The following FBXW10B variants were observed in gnomAD, a reference collection of about 807,000 sequenced individuals.
FBXW10B encodes F-box and WD repeat domain containing protein 10B.
At chr17:15,610,711 A>C in the FBXW10B span, among the ~76,000 whole-genome samples, 12 of 152,206 alleles carry the variant, frequency 7.9e-5, no homozygotes, top group Admixed American at 7.9e-4. Context: ...CCAAGATGAC[A>C]GTACAATTCT....
At chr17:15,591,727 A>G in the FBXW10B span, among the ~76,000 whole-genome samples, 1 of 152,104 alleles carries the variant, frequency 6.6e-6, no homozygotes, top group South Asian at 2.1e-4. Flanking sequence ...TTTGAAGCAC[A>G]GCTTCCAAAC....
At chr17:15,606,869 A>G in the FBXW10B span, among the ~76,000 whole-genome samples, 2 of 152,138 alleles carry the variant, frequency 1.3e-5, no homozygotes, top group Non-Finnish European at 2.9e-5. Context: ...CAATTTGTTA[A>G]TAAGATTCAT....
the FBXW10B span, chr17:15,615,763 G>T: frequency 6.2e-7 from 1 of 1,613,840 alleles, no homozygotes; most frequent in Non-Finnish European, 8.5e-7. Flanking sequence ...TGGAGCTGTG[G>T]TCTTTCTCAG....
chr17:15,583,466 A>G, the FBXW10B span, among the ~76,000 whole-genome samples: 6 of 148,802 alleles, frequency 4.0e-5, 1 homozygote, highest in South Asian at 1.4e-3. Flanking sequence ...CCACTACAGC[A>G]TCAGTGCCCC....
At chr17:15,595,807 C>G in the FBXW10B span, among the ~76,000 whole-genome samples, 1 of 152,138 alleles carries the variant, frequency 6.6e-6, no homozygotes, top group African/African-American at 2.4e-5. Flanking sequence ...TCCATGTTCT[C>G]TCTTCATTAG....
the FBXW10B span, among the ~76,000 whole-genome samples, chr17:15,603,444 C>A: frequency 6.6e-6 from 1 of 151,948 alleles, no homozygotes; most frequent in Non-Finnish European, 1.5e-5. Flanking sequence ...GAGACCCTGA[C>A]TAATACACAT....
the FBXW10B span, chr17:15,573,197 G>T: frequency 6.6e-6 from 1 of 152,184 alleles, no homozygotes; most frequent in South Asian, 2.1e-4. Flanking sequence ...GGTGACATTA[G>T]AATGTAATCC....
At chr17:15,582,875 AG>A in the FBXW10B span, among the ~76,000 whole-genome samples, 1 of 151,546 alleles carries the variant, frequency 6.6e-6, no homozygotes, top group Non-Finnish European at 1.5e-5. Context: ...GAAATCTGGA[AG>A]ATAGATTAAA....
chr17:15,610,338 A>G, the FBXW10B span, among the ~76,000 whole-genome samples: 1 of 151,676 alleles, frequency 6.6e-6, no homozygotes, highest in Admixed American at 6.6e-5. Context: ...AGAGTTTATC[A>G]GATGCTTGGA....
the FBXW10B span, among the ~76,000 whole-genome samples, chr17:15,594,048 A>G: frequency 6.4e-3 from 975 of 152,348 alleles, 9 homozygotes; most frequent in African/African-American, 0.022. Context: ...CAAAACAAAA[A>G]GGCTGATGTC....
the FBXW10B span, chr17:15,572,660 G>C: frequency 6.6e-6 from 1 of 151,782 alleles, no homozygotes; most frequent in Admixed American, 6.6e-5. Context: ...GAGCACTCCA[G>C]AGCGGGAAGG....
the FBXW10B span, among the ~76,000 whole-genome samples, chr17:15,614,523 A>G: frequency 6.6e-6 from 1 of 152,082 alleles, no homozygotes; most frequent in Non-Finnish European, 1.5e-5. Flanking sequence ...CCAAATATAC[A>G]TGTGCTTTTC....
the FBXW10B span, among the ~76,000 whole-genome samples, chr17:15,582,847 T>C: frequency 2.6e-5 from 4 of 151,974 alleles, no homozygotes; most frequent in Non-Finnish European, 4.4e-5. Flanking sequence ...TCTAATGTGC[T>C]CCACCAATGC....
chr17:15,605,675 TA>T, the FBXW10B span, among the ~76,000 whole-genome samples: 5 of 152,198 alleles, frequency 3.3e-5, no homozygotes, highest in Admixed American at 2.6e-4. Flanking sequence ...AACAATTCTG[TA>T]AATGTATGCT....
the FBXW10B span, chr17:15,605,586 T>C: frequency 1.1e-6 from 1 of 929,438 alleles, no homozygotes; most frequent in African/African-American, 1.8e-5. Context: ...TAACAGGCTC[T>C]GAGGGATCCC....
At chr17:15,573,945 T>C in the FBXW10B span, 1 of 468,876 alleles carries the variant, frequency 2.1e-6, no homozygotes, top group African/African-American at 2.0e-5. Flanking sequence ...TTTGTTTCAT[T>C]TTCCCAAGGA....
At chr17:15,606,650 T>C in the FBXW10B span, among the ~76,000 whole-genome samples, 1 of 145,638 alleles carries the variant, frequency 6.9e-6, no homozygotes, top group African/African-American at 2.8e-5. Context: ...TGTGTATATA[T>C]ATATGTGTGT....
chr17:15,611,296 A>G, the FBXW10B span, among the ~76,000 whole-genome samples: 2 of 152,186 alleles, frequency 1.3e-5, no homozygotes, highest in African/African-American at 4.8e-5. Flanking sequence ...TGCTGGGATT[A>G]CAGGCGTGAG....
the FBXW10B span, among the ~76,000 whole-genome samples, chr17:15,600,952 G>C: frequency 6.8e-6 from 1 of 146,948 alleles, no homozygotes; most frequent in African/African-American, 2.5e-5. Flanking sequence ...TCGGGAGGCT[G>C]AGGCAGGGGA....
Sources: allele counts gnomAD v4.1 joint callset (sites outside exome capture counted in the v4.1 genomes callset), GRCh38; gene constraint gnomAD v4.1.1; transcripts MANE v1.5; gene names NCBI Gene and HGNC (gene_info 2026-07-23, HGNC 2026-07-21).